Variants in MYH14 observed in about 807,000 individuals in gnomAD.
MYH14 encodes the protein myosin-14.
MYH14 carries 123 observed loss-of-function variants against 255.5 expected under a neutral mutation model. That is an observed-to-expected ratio of 0.48 (90% CI 0.42 to 0.56). MYH14 has a LOEUF of 0.56. Among genes scored for constraint, MYH14 ranks in the 20% least tolerant of loss-of-function variants. The pLI is 0.00. For synonymous variants in MYH14, 1,095 were observed against 1,161.2 expected (o/e 0.94, Z 1.16); for missense variants, 2,423 against 2,802.3 (o/e 0.86, Z 3.06).
rs1261188130 is a variant in MYH14, at chr19:50,203,670, C to T, written c.-5C>T. On this transcript the variant is annotated splice_region_variant and 5_prime_UTR_variant, in exon 1 of 43. Coordinates refer to ENST00000642316, the MANE Select transcript of MYH14 (RefSeq NM_001145809.2). ...GAAGCCTCGGGACGGCCCTGGAAGC[C>T]GGTGAGTGCCCGGGGCCGGCAGCCC... 1 of 152,468 alleles carries T rather than the reference C, an allele frequency of 6.6e-6. No individual in the cohort carries two copies. 9.4% of individuals were successfully genotyped at this position (152,468 alleles called of 1,614,324 possible). A position where few individuals can be genotyped will look rare whatever the true frequency, so the allele number is the denominator to read the frequency against.
chr19:50,289,052 C>T (rs756990901), intron 34 of MYH14, among the ~76,000 whole-genome samples: 8 of 151,966 alleles, frequency 5.3e-5, no homozygotes, highest in Non-Finnish European at 8.8e-5. Flanking sequence ...GAGCTACGTG[C>T]CTTCAACCCA....
intron 41 of MYH14, 117 bp downstream of exon 41, chr19:50,307,274 G>T (rs546243218): frequency 1.9e-4 from 119 of 642,386 alleles, no homozygotes; most frequent in Non-Finnish European, 3.0e-4. Context: ...GCAGGTGCTG[G>T]ACTGGAACTG....
In MYH14 at chr19:50,286,513, G is replaced by A. The variant is rs755850782; in HGVS notation, c.4571G>A (p.Arg1524Gln). The A allele has an allele frequency of 1.6e-5, 26 of 1,613,364 alleles. No individual in the cohort carries two copies. Among genetic ancestry groups the A allele is most frequent in the Middle Eastern group, 1.6e-4 (1 of 6,082 alleles). Residue 1524 changes from arginine (R) to glutamine (Q), a missense_variant, in exon 34 of 43, where the codon CGG (arginine) becomes CAG (glutamine). Around this residue, in one of 3 missense-constraint regions of MYH14, gnomAD observed 1,513 missense variants for 1,674.8 expected, o/e 0.90. Transcript: ENST00000642316. ...LLAEEKAAVL[R>Q]AVEERERAEA... The stretch of plus-strand genomic sequence containing the variant: ...GCAGAGGAGAAGGCAGCTGTACTTC[G>A]GGCAGTGGAGGAACGTGAGCGGGCC...
At chr19:50,249,466 G>A (rs1317619055) in intron 13 of MYH14, 184 bp from the exon 14 acceptor site, 3 of 664,190 alleles carry the variant, frequency 4.5e-6, no homozygotes, top group Non-Finnish European at 7.3e-6. Flanking sequence ...TCTGTCCCCT[G>A]TCTCTGGCTC....
rs1455917114 is a variant in MYH14 at position 50,293,377 on chromosome 19, G to A, written c.5345+56G>A. The A allele has an allele frequency of 3.3e-6, 5 of 1,536,636 alleles. No homozygotes were observed. The Admixed American group carries it at 9.6e-5, about 30-fold the overall frequency. On this transcript the variant is annotated intron_variant, in intron 38 of 42. Transcript: ENST00000642316. The surrounding 1 kb of genome is among the most constrained non-coding windows in gnomAD (Gnocchi z 4.1). ...TACTGCGTCTGCAGGAGGTGAAGCT[G>A]GGGTAGGCTGGAGGTGGCTGGGCTC... is the stretch of plus-strand genomic sequence containing the variant.
At chr19:50,224,284 C>T in intron 6 of MYH14, 107 bp downstream of exon 6, 1 of 1,441,646 alleles carries the variant, frequency 6.9e-7, no homozygotes, top group Admixed American at 1.7e-5. Context: ...GTGGTCCCAC[C>T]TGCCAGGGAC....
intron 30 of MYH14, among the ~76,000 whole-genome samples, chr19:50,279,214 T>C (rs1380528966): frequency 2.0e-5 from 3 of 152,220 alleles, no homozygotes; most frequent in Non-Finnish European, 4.4e-5. Flanking sequence ...TCTGGAGATC[T>C]TATATAAATG....
At position 50,210,607 on chromosome 19, in the gene MYH14, A is replaced by G; in HGVS notation, c.242A>G (p.Glu81Gly). 6.4e-7 allele frequency: 1 copy of G among 1,570,786 alleles called. No individual in the cohort carries two copies. Among genetic ancestry groups the G allele is most frequent in the Non-Finnish European group, 8.6e-7 (1 of 1,159,046 alleles). The change falls in exon 2 of 43, where the codon GAG becomes GGG. Residue 81 changes from glutamate to glycine, a missense_variant. Coordinates refer to ENST00000642316, the MANE Select transcript of MYH14 (RefSeq NM_001145809.2). ...GAAGGCGAGGAGGAGGCGGAGGTGG[A>G]GCTGGCGGAGAGCGGGAGGCGGCTG... ...RDEGEEEAEVELAESGRRLRL... is the reference protein window; with the variant it reads ...RDEGEEEAEVGLAESGRRLRL...
chr19:50,214,823 C>T (rs1316542994), intron 2 of MYH14, among the ~76,000 whole-genome samples: 1 of 152,090 alleles, frequency 6.6e-6, no homozygotes, highest in Non-Finnish European at 1.5e-5. Flanking sequence ...CTAGGGCTCC[C>T]AGGTAGGATG....
At position 50,285,322 on chromosome 19, in the gene MYH14, A is replaced by C. The variant is rs111940163; in HGVS notation, c.4540-1160A>C. Reference sequence around the variant, plus strand: ...TCCAATTTGGAACTGTGTTGAATCTATACAACGGTTTTGGAAGAACTGACA... The same window carrying C: ...TCCAATTTGGAACTGTGTTGAATCTCTACAACGGTTTTGGAAGAACTGACA... On this transcript the variant is annotated intron_variant, in intron 33 of 42. Transcript: ENST00000642316. 2 of 152,358 alleles carry C rather than the reference A, an allele frequency of 1.3e-5. 1 individual carries two copies. Among genetic ancestry groups the C allele is most frequent in the African/African-American group, 4.8e-5 (2 of 41,578 alleles). 9.4% of individuals were successfully genotyped at this position (152,358 alleles called of 1,614,324 possible).
At chr19:50,233,626 G>A (rs2033514284) in intron 10 of MYH14, among the ~76,000 whole-genome samples, 3 of 152,098 alleles carry the variant, frequency 2.0e-5, no homozygotes, top group South Asian at 4.1e-4. Context: ...GCCCGGGATC[G>A]TGGTGTTAGT....
intron 5 of MYH14, 116 bp from the exon 6 acceptor site, chr19:50,224,038 G>GCCCCCC: frequency 5.6e-6 from 2 of 355,472 alleles, no homozygotes; most frequent in Non-Finnish European, 5.0e-6. Context: ...GGTTTCCCCA[G>GCCCCCC]TCCCCCTTCC....
intron 26 of MYH14, among the ~76,000 whole-genome samples, 177 bp downstream of exon 26, chr19:50,272,149 C>G (rs963655390): frequency 6.6e-6 from 1 of 152,214 alleles, no homozygotes; most frequent in African/African-American, 2.4e-5. Flanking sequence ...CTAAATCCAA[C>G]TCTCTTTCTC....
intron 10 of MYH14, among the ~76,000 whole-genome samples, chr19:50,240,775 A>T (rs114942490): frequency 0.013 from 1,908 of 152,124 alleles, 43 homozygotes; most frequent in African/African-American, 0.043. Context: ...CATCTCTATT[A>T]AAAAAATAAA....
intron 42 of MYH14, 140 bp downstream of exon 42, chr19:50,309,317 T>G (rs1325630551): frequency 2.3e-6 from 2 of 857,032 alleles, no homozygotes; most frequent in African/African-American, 1.7e-5. Context: ...GCAGCGGCTG[T>G]GTTGCGGGAG....
chr19:50,241,550 G>A (rs2033892695), intron 10 of MYH14, among the ~76,000 whole-genome samples: 2 of 152,130 alleles, frequency 1.3e-5, no homozygotes, highest in South Asian at 4.1e-4. Context: ...TTCTGAAAAG[G>A]TGATCAATTT....
At chr19:50,261,139 CT>C (rs1350877804) in intron 20 of MYH14, among the ~76,000 whole-genome samples, 1 of 72,744 alleles carries the variant, frequency 1.4e-5, no homozygotes, top group Non-Finnish European at 2.8e-5. Flanking sequence ...CCATCACCCC[CT>C]CTCCCCAATC....
intron 3 of MYH14, 145 bp downstream of exon 3, chr19:50,217,916 A>G (rs1162980749): frequency 8.7e-6 from 8 of 916,866 alleles, no homozygotes; most frequent in South Asian, 3.4e-5. Context: ...AGGGAGCACA[A>G]GTAGAGGCCT....
At chr19:50,206,891 G>T (rs187888646) in intron 1 of MYH14, among the ~76,000 whole-genome samples, 4 of 151,916 alleles carry the variant, frequency 2.6e-5, no homozygotes, top group African/African-American at 9.7e-5. Flanking sequence ...TGATGTGGTG[G>T]GGCAGTGATG....
Sources: gnomAD v4.1 joint callset for allele counts (sites outside exome capture counted in the v4.1 genomes callset) on GRCh38, gnomAD v4.1.1 for gene constraint, gnomAD v4.1.1 regional missense constraint, Gnocchi (gnomAD v3.1) non-coding constraint, MANE v1.5 for transcripts, NCBI Gene and HGNC (gene_info 2026-07-23, HGNC 2026-07-21) for gene names.